ITGA9: variants seen among roughly 807,000 people sequenced by gnomAD.
The protein encoded by ITGA9 is integrin subunit alpha 9, also known as integrin alpha-9.
Under a neutral mutation model 127.8 loss-of-function variants are expected in ITGA9, and 56 were observed. The ratio of observed to expected loss-of-function variants is 0.44; its 90% CI spans 0.35 to 0.55. ITGA9 has a LOEUF of 0.55. Ranked by LOEUF, ITGA9 falls within the 20% of genes least tolerant of loss-of-function variation. The probability of loss-of-function intolerance (pLI) is 0.00; values close to 1 mark genes in which losing one functional copy is unlikely to be tolerated. For missense variants in ITGA9, 1,196 were observed against 1,347.1 expected (o/e 0.89, Z 1.76); for synonymous variants, 508 against 514.5 (o/e 0.99, Z 0.17).
At chr3:37,585,726 G>C (rs1434779546) in intron 15 of ITGA9, 1 of 489,232 alleles carries the variant, frequency 2.0e-6, no homozygotes, top group Non-Finnish European at 4.1e-6. Flanking sequence ...ATTTGCGAAG[G>C]GGTGGTGAAC....
chr3:37,766,984 C>G (rs1696787336), intron 23 of ITGA9, among the ~76,000 whole-genome samples: 1 of 152,210 alleles, frequency 6.6e-6, no homozygotes, highest in Non-Finnish European at 1.5e-5. Flanking sequence ...GGGAACTTGT[C>G]TTTCTCTGAT....
chr3:37,486,197 G>C (rs73055216), intron 4 of ITGA9, among the ~76,000 whole-genome samples: 27,557 of 152,098 alleles, frequency 0.18, 2,538 homozygotes, highest in Middle Eastern at 0.22. Context: ...CGAAAAACCT[G>C]ATGAGTGTGG....
intron 16 of ITGA9, among the ~76,000 whole-genome samples, chr3:37,642,791 G>A (rs1700345210): frequency 6.6e-6 from 1 of 152,128 alleles, no homozygotes; most frequent in African/African-American, 2.4e-5. Flanking sequence ...CATACACTTT[G>A]GGTCTCCATT....
intron 18 of ITGA9, among the ~76,000 whole-genome samples, chr3:37,690,872 G>A (rs1340951443): frequency 1.3e-5 from 2 of 152,182 alleles, no homozygotes; most frequent in Non-Finnish European, 1.5e-5. Context: ...TGGTAGGGAG[G>A]TGAAGTTATA....
At chr3:37,612,955 T>C (rs1700037391) in intron 15 of ITGA9, among the ~76,000 whole-genome samples, 1 of 145,764 alleles carries the variant, frequency 6.9e-6, no homozygotes, top group African/African-American at 2.6e-5. Context: ...GACCTTGTGC[T>C]GTTCTTTTTT....
chr3:37,663,494 G>T lies in ITGA9; in HGVS notation c.1916+9704G>T, dbSNP rs547257330. On this transcript the variant is annotated intron_variant, in intron 17 of 27. Coordinates refer to ENST00000264741, the MANE Select transcript of ITGA9 (RefSeq NM_002207.3). ...CTGTTACCATGGGGGTTGGGTGGTG[G>T]GGCGAAGTGCATTTCCCAAAACTGT... Among the ~76,000 whole-genome samples, 34 of 152,282 alleles carry T rather than the reference G, an allele frequency of 2.2e-4. 1 individual carries two copies. In the South Asian group the frequency reaches 6.8e-3, roughly 31 times the overall value.
At chr3:37,590,934 C>T (rs1414950711) in intron 15 of ITGA9, among the ~76,000 whole-genome samples, 4 of 152,260 alleles carry the variant, frequency 2.6e-5, no homozygotes, top group South Asian at 2.1e-4. Context: ...ATGTCCTTAG[C>T]GCAGCCCTGG....
At chr3:37,797,144 A>G (rs1697183207) in intron 26 of ITGA9, among the ~76,000 whole-genome samples, 1 of 152,134 alleles carries the variant, frequency 6.6e-6, no homozygotes. Flanking sequence ...CCTGGGCAAC[A>G]TGGCAAAATC....
At chr3:37,534,395 G>A (rs964666142) in intron 14 of ITGA9, among the ~76,000 whole-genome samples, 3 of 152,200 alleles carry the variant, frequency 2.0e-5, no homozygotes, top group African/African-American at 2.4e-5. Flanking sequence ...TTTGGGCTCC[G>A]CTTTGGACTT....
intron 16 of ITGA9, among the ~76,000 whole-genome samples, chr3:37,641,089 C>T (rs1280043996): frequency 1.3e-5 from 2 of 152,164 alleles, no homozygotes; most frequent in Non-Finnish European, 2.9e-5. Context: ...GGTGGGCTCC[C>T]CGGTGGGACG....
intron 18 of ITGA9, among the ~76,000 whole-genome samples, chr3:37,689,494 G>A (rs1469525017): frequency 1.3e-5 from 2 of 152,236 alleles, no homozygotes; most frequent in African/African-American, 4.8e-5. Context: ...CCAGTGCACC[G>A]TGTTGCCTGC....
chr3:37,660,632 C>T (rs1419564890), intron 17 of ITGA9, among the ~76,000 whole-genome samples: 3 of 152,108 alleles, frequency 2.0e-5, no homozygotes, highest in Non-Finnish European at 4.4e-5. Flanking sequence ...AGTGTGGTGG[C>T]CAGGACCCAG....
Position 37,606,339 on chromosome 3 carries a change from C to T in ITGA9, c.1690-22848C>T, listed in dbSNP as rs1483437926. Among the ~76,000 whole-genome samples the T allele has an allele frequency of 9.9e-5, 15 of 152,158 alleles. 1 individual carries two copies. The highest frequency in any genetic ancestry group is 4.1e-4 in the South Asian group (2 of 4,820). ...TGGAACGGAGCTGCAATGGTGGAAA[C>T]GTTCTGTGTGTGCCCTGTTCAGTAC... On this transcript the variant is annotated intron_variant, in intron 15 of 27. Transcript: ENST00000264741.
chr3:37,666,009 C>T (rs1393380271), intron 17 of ITGA9, among the ~76,000 whole-genome samples: 1 of 152,182 alleles, frequency 6.6e-6, no homozygotes, highest in Non-Finnish European at 1.5e-5. Flanking sequence ...GGTGTTCATT[C>T]GTTTGACAAA....
intron 18 of ITGA9, among the ~76,000 whole-genome samples, chr3:37,723,391 C>T (rs996409059): frequency 5.3e-5 from 8 of 152,002 alleles, no homozygotes; most frequent in African/African-American, 1.7e-4. Context: ...GGCAGAGTCT[C>T]GATGTGTCAC....
chr3:37,634,656 AATTTCAGTACCCCACT>A (rs1700260748), intron 16 of ITGA9, among the ~76,000 whole-genome samples: 4 of 152,310 alleles, frequency 2.6e-5, no homozygotes, highest in Admixed American at 2.6e-4. Flanking sequence ...AATATTAGGG[AATTTCAGTACCCCACT>A]TTCTGCAATG....
Position 37,734,080 on chromosome 3 carries a change from G to C in ITGA9, c.2154+1282G>C, listed in dbSNP as rs545325758. Reference sequence around the variant, plus strand: ...GCTCTACCACAAACTGTGTGATCTTGGCGAAACCACAGTGGCCAAGTGGCC... The same window carrying C: ...GCTCTACCACAAACTGTGTGATCTTCGCGAAACCACAGTGGCCAAGTGGCC... On this transcript the variant is annotated intron_variant, in intron 19 of 27. Transcript: ENST00000264741. 9.2e-5 allele frequency among the ~76,000 whole-genome samples: 14 copies of C among 152,324 alleles called. No individual in the cohort carries two copies. The South Asian group carries it at 1.2e-3, about 14-fold the overall frequency.
chr3:37,527,759 T>C (rs1026651533), intron 13 of ITGA9, among the ~76,000 whole-genome samples: 1 of 148,582 alleles, frequency 6.7e-6, no homozygotes, highest in African/African-American at 2.5e-5. Flanking sequence ...TCCTCAACTT[T>C]TACAGTTGAA....
chr3:37,809,415 C>T (rs1322796252), intron 27 of ITGA9, among the ~76,000 whole-genome samples: 4 of 152,102 alleles, frequency 2.6e-5, no homozygotes, highest in East Asian at 1.9e-4. Flanking sequence ...AACAAAAATT[C>T]GCCTAACTAG....
Sources: gnomAD v4.1 joint callset for allele counts (sites outside exome capture counted in the v4.1 genomes callset) on GRCh38, gnomAD v4.1.1 for gene constraint, MANE v1.5 for transcripts, NCBI Gene and HGNC (gene_info 2026-07-23, HGNC 2026-07-21) for gene names.